The following TRPM3 variants were observed in gnomAD, a reference collection of about 807,000 sequenced individuals.
The protein encoded by TRPM3 is transient receptor potential cation channel subfamily M member 3, also known as long transient receptor potential channel 3.
Under a neutral mutation model 181.2 loss-of-function variants are expected in TRPM3, and 77 were observed. That is an observed-to-expected ratio of 0.42 (90% CI 0.35 to 0.51). The LOEUF is 0.51. TRPM3 is among the 20% of genes least tolerant of loss of function. The pLI is 0.01. For synonymous variants in TRPM3, 745 were observed against 796.4 expected, an observed-to-expected ratio of 0.94 and a Z score of 1.09; for missense variants, 1,759 against 2,196.7, an observed-to-expected ratio of 0.80 and a Z score of 3.98.
At chr9:71,144,268 CT>C (rs1208685197) in intron 1 of TRPM3, among the ~76,000 whole-genome samples, 3 of 152,118 alleles carry the variant, frequency 2.0e-5, no homozygotes, top group Non-Finnish European at 4.4e-5. Context: ...AAGCAAGTTA[CT>C]TTTAAAGGGC....
At chr9:71,331,346 T>C (rs1191298109) in intron 1 of TRPM3, among the ~76,000 whole-genome samples, 1 of 151,858 alleles carries the variant, frequency 6.6e-6, no homozygotes, top group Non-Finnish European at 1.5e-5. Context: ...CACATTAATT[T>C]TGCCTCGTAA....
chr9:70,774,422 A>T (rs2080945359), intron 7 of TRPM3: 1 of 152,122 alleles, frequency 6.6e-6, no homozygotes, highest in Non-Finnish European at 1.5e-5. Flanking sequence ...AACATACAAA[A>T]TGTATGTTGA....
intron 6 of TRPM3, among the ~76,000 whole-genome samples, chr9:70,796,937 TG>T (rs537603217): frequency 6.6e-5 from 10 of 152,040 alleles, no homozygotes; most frequent in Non-Finnish European, 1.3e-4. Context: ...AAGACCAGCC[TG>T]GAAAACATAG....
chr9:70,535,851 TAAGA>T lies in TRPM3; in HGVS notation c.*98_*101del, dbSNP rs2041583788. 2 of 1,513,266 alleles carry T rather than the reference TAAGA, an allele frequency of 1.3e-6. No homozygotes were observed. Among genetic ancestry groups the T allele is most frequent in the Admixed American group, 2.3e-5 (1 of 44,114 alleles). 93.7% of individuals were successfully genotyped at this position (1,513,266 alleles called of 1,614,324 possible). A position where few individuals can be genotyped will look rare whatever the true frequency, so the allele number is the denominator to read the frequency against. Reference sequence around the variant, plus strand: ...CAAAGCATTGCTTGTTTTGCTCAGCTAAGAATAAAGCAGGTATGATTCAAGGAAA... The same window carrying T: ...CAAAGCATTGCTTGTTTTGCTCAGCTATAAAGCAGGTATGATTCAAGGAAA... On this transcript the variant is annotated 3_prime_UTR_variant, in exon 26 of 26. Transcript: ENST00000677713.
chr9:71,168,619 TA>T (rs1357019141), intron 1 of TRPM3, among the ~76,000 whole-genome samples: 9 of 118,910 alleles, frequency 7.6e-5, no homozygotes, highest in South Asian at 5.9e-4. Flanking sequence ...ATTTTTTTAT[TA>T]TTATTTTTTT....
At chr9:70,864,025 T>C (rs2095583717) in intron 2 of TRPM3, among the ~76,000 whole-genome samples, 1 of 152,112 alleles carries the variant, frequency 6.6e-6, no homozygotes, top group African/African-American at 2.4e-5. Flanking sequence ...TAAATGGGAA[T>C]CTGAAGGTAT....
At chr9:71,243,035 C>CTGTTTTG (rs1252648312) in intron 1 of TRPM3, among the ~76,000 whole-genome samples, 3 of 152,052 alleles carry the variant, frequency 2.0e-5, no homozygotes, top group Admixed American at 1.3e-4. Flanking sequence ...GACTTTGCAC[C>CTGTTTTG]TGTTTTGTGT....
chr9:70,965,818 G>A (rs1415220), intron 1 of TRPM3, among the ~76,000 whole-genome samples: 47 of 151,976 alleles, frequency 3.1e-4, no homozygotes, highest in Admixed American at 2.0e-3. Flanking sequence ...AGTGGGTTGC[G>A]GACAAGTCTG....
chr9:70,979,951 TTAA>T (rs2097346848), intron 1 of TRPM3, among the ~76,000 whole-genome samples: 1 of 151,998 alleles, frequency 6.6e-6, no homozygotes, highest in Non-Finnish European at 1.5e-5. Flanking sequence ...CTCATTAGCC[TTAA>T]TGATCTCGTA....
chr9:71,247,749 A>C (rs1470712150), intron 1 of TRPM3, among the ~76,000 whole-genome samples: 1 of 152,184 alleles, frequency 6.6e-6, no homozygotes, highest in African/African-American at 2.4e-5. Flanking sequence ...GGAATACCAG[A>C]TCAGACTCCT....
At chr9:71,107,049 G>A (rs1030209774) in intron 1 of TRPM3, among the ~76,000 whole-genome samples, 12 of 152,138 alleles carry the variant, frequency 7.9e-5, no homozygotes, top group African/African-American at 2.9e-4. Context: ...AGGGTGAGGA[G>A]GTGGCCACAT....
intron 1 of TRPM3, among the ~76,000 whole-genome samples, chr9:71,105,791 C>T (rs759230649): frequency 2.0e-5 from 3 of 152,118 alleles, no homozygotes; most frequent in Non-Finnish European, 4.4e-5. Flanking sequence ...ATATGCAGAA[C>T]GTAGTACGTG....
chr9:70,980,194 G>A (rs544142027), intron 1 of TRPM3, among the ~76,000 whole-genome samples: 2 of 152,192 alleles, frequency 1.3e-5, no homozygotes, highest in Admixed American at 6.5e-5. Context: ...GGTGCCAACC[G>A]TCTGCTACCA....
chr9:71,310,849 C>A (rs2087858320), intron 1 of TRPM3, among the ~76,000 whole-genome samples: 1 of 151,998 alleles, frequency 6.6e-6, no homozygotes, highest in South Asian at 2.1e-4. Flanking sequence ...TGTTTCTTAA[C>A]CTGATGATAA....
At chr9:71,431,195 G>C (rs114288835) in intron 1 of TRPM3, among the ~76,000 whole-genome samples, 160 of 152,162 alleles carry the variant, frequency 1.1e-3, no homozygotes, top group African/African-American at 3.7e-3. Flanking sequence ...CACACACAGA[G>C]AGAGAGAGAG....
chr9:70,844,712 G>A (rs970183750), intron 4 of TRPM3, among the ~76,000 whole-genome samples: 3 of 152,172 alleles, frequency 2.0e-5, no homozygotes, highest in African/African-American at 7.2e-5. Context: ...AGGCAGAGAT[G>A]AACTCATGGG....
At chr9:71,218,569 T>C (rs572440476) in intron 1 of TRPM3, among the ~76,000 whole-genome samples, 53 of 152,302 alleles carry the variant, frequency 3.5e-4, no homozygotes, top group African/African-American at 1.2e-3. Context: ...ATTATAGACA[T>C]TGCATCCTTC....
At position 70,535,798 on chromosome 9, in the gene TRPM3, C is replaced by CT; in HGVS notation, c.*154_*155insA. The CT allele has an allele frequency of 6.7e-7, 1 of 1,493,994 alleles. No individual in the cohort carries two copies. The highest frequency in any genetic ancestry group is 8.8e-7 in the Non-Finnish European group (1 of 1,130,466). The allele number at this position is 1,493,994 out of a possible 1,614,324, so 92.5% of individuals were successfully genotyped here. On this transcript the variant is annotated 3_prime_UTR_variant, in exon 26 of 26. Transcript: ENST00000677713. ...TCAAATGCTTTCTTGATCTGTGGCC[C>CT]AGAAGTCACCTTTGAGTTAACACCT... is the stretch of plus-strand genomic sequence containing the variant.
At chr9:70,553,409 T>C in intron 22 of TRPM3, 99 bp from the exon 23 acceptor site, 1 of 1,398,820 alleles carries the variant, frequency 7.1e-7, no homozygotes, top group Non-Finnish European at 9.6e-7. Context: ...ATGGAAGAAA[T>C]ATATAGCCAT....
Sources: gnomAD v4.1 joint callset for allele counts (sites outside exome capture counted in the v4.1 genomes callset) on GRCh38, gnomAD v4.1.1 for gene constraint, MANE v1.5 for transcripts, NCBI Gene and HGNC (gene_info 2026-07-23, HGNC 2026-07-21) for gene names.